The following DTHD1 variants were observed in gnomAD, a reference collection of about 807,000 sequenced individuals.
The protein encoded by DTHD1 is death domain containing 1, also known as death domain-containing protein 1.
In DTHD1, 59 loss-of-function variants were observed where a neutral mutation model predicts 74.8. The ratio of observed to expected loss-of-function variants is 0.79; its 90% CI spans 0.64 to 0.98. The LOEUF (loss-of-function observed/expected upper bound fraction) is 0.98, where lower values mean the gene tolerates loss of function less well. Among genes scored for constraint, DTHD1 ranks in the 50% least tolerant of loss-of-function variants. DTHD1 has a pLI of 0.00. For synonymous variants in DTHD1, 365 were observed against 371.1 expected (o/e 0.98, Z 0.19); for missense variants, 1,051 against 1,065.4 (o/e 0.99, Z 0.19).
Position 36,316,224 on chromosome 4 carries a change from C to T in DTHD1, c.2096-18C>T, listed in dbSNP as rs1560805911. The T allele has an allele frequency of 1.9e-6, 3 of 1,546,442 alleles. No individual in the cohort carries two copies. Among genetic ancestry groups the T allele is most frequent in the Admixed American group, 4.0e-5 (2 of 49,860 alleles). On this transcript the variant is annotated intron_variant, in intron 7 of 9. Coordinates refer to ENST00000639862, the MANE Select transcript of DTHD1 (RefSeq NM_001170700.3). The stretch of plus-strand genomic sequence containing the variant: ...TGAGATAACTTAATGGTAATAAATA[C>T]ATTTTACTTCTATTTAGGCAACGGG...
intron 5 of DTHD1, among the ~76,000 whole-genome samples, chr4:36,301,590 C>A (rs1036929117): frequency 6.6e-6 from 1 of 152,178 alleles, no homozygotes; most frequent in African/African-American, 2.4e-5. Flanking sequence ...GCCCCATTAA[C>A]AATCAAGGAT....
At chr4:36,326,685 T>C (rs1474608099) in intron 8 of DTHD1, among the ~76,000 whole-genome samples, 1 of 152,224 alleles carries the variant, frequency 6.6e-6, no homozygotes, top group Non-Finnish European at 1.5e-5. Flanking sequence ...GAAAGCATGC[T>C]GGGGAAATTG....
At chr4:36,333,922 G>T (rs985475886) in intron 8 of DTHD1, 1 of 152,092 alleles carries the variant, frequency 6.6e-6, no homozygotes, top group Non-Finnish European at 1.5e-5. Flanking sequence ...GAGATGATGG[G>T]CCCCAGAGCT....
intron 8 of DTHD1, among the ~76,000 whole-genome samples, chr4:36,318,607 CTTTTCTTTTTTTTTTTTT>C (rs1757866528): frequency 8.9e-6 from 1 of 112,260 alleles, no homozygotes; most frequent in Non-Finnish European, 1.8e-5. Flanking sequence ...TTTTCTTTTT[CTTTTCTTTTTTTTTTTTT>C]TTTTTTTGAG....
intron 8 of DTHD1, among the ~76,000 whole-genome samples, chr4:36,325,471 G>A (rs13107566): frequency 0.28 from 41,958 of 152,120 alleles, 6,197 homozygotes; most frequent in Non-Finnish European, 0.33. Flanking sequence ...CAGCCTATAA[G>A]GATAAACTAG....
rs943844194 is a variant in DTHD1 at position 36,321,641 on chromosome 4, C to A, written c.2340+5155C>A. 4.6e-5 allele frequency among the ~76,000 whole-genome samples: 7 copies of A among 152,148 alleles called. 1 individual carries two copies. Among genetic ancestry groups the A allele is most frequent in the Non-Finnish European group, 1.0e-4 (7 of 68,024 alleles). ...GAAATAAAGAGCACAATAAATTTAACTTGCCTGAATCATCCTGAAACCATC... is the reference window on the plus strand; with the variant it reads ...GAAATAAAGAGCACAATAAATTTAAATTGCCTGAATCATCCTGAAACCATC... On this transcript the variant is annotated intron_variant, in intron 8 of 9. Transcript: ENST00000639862.
intron 8 of DTHD1, among the ~76,000 whole-genome samples, chr4:36,320,251 AT>A (rs1757970870): frequency 6.6e-6 from 1 of 152,076 alleles, no homozygotes; most frequent in South Asian, 2.1e-4. Flanking sequence ...CCAAGAACGA[AT>A]TTTCTCTCCC....
chr4:36,325,756 T>C (rs1384938153), intron 8 of DTHD1, among the ~76,000 whole-genome samples: 1 of 152,200 alleles, frequency 6.6e-6, no homozygotes, highest in African/African-American at 2.4e-5. Flanking sequence ...TGTGATATAA[T>C]ACAGTGTTTG....
At chr4:36,315,994 G>A (rs1368397540) in intron 7 of DTHD1, among the ~76,000 whole-genome samples, 1 of 152,212 alleles carries the variant, frequency 6.6e-6, no homozygotes, top group Admixed American at 6.5e-5. Flanking sequence ...GGAGTGCAGT[G>A]GCGTGATCTC....
At chr4:36,323,041 T>C (rs1672866331) in intron 8 of DTHD1, among the ~76,000 whole-genome samples, 1 of 152,172 alleles carries the variant, frequency 6.6e-6, no homozygotes, top group Admixed American at 6.5e-5. Flanking sequence ...AGGTTTTGTT[T>C]TGAAGGAAAG....
intron 8 of DTHD1, among the ~76,000 whole-genome samples, chr4:36,333,106 T>C (rs1015870987): frequency 6.6e-6 from 1 of 152,268 alleles, no homozygotes; most frequent in South Asian, 2.1e-4. Context: ...ATTTTATAAA[T>C]TTAGCATAAA....
intron 5 of DTHD1, among the ~76,000 whole-genome samples, chr4:36,298,346 A>G (rs1416917942): frequency 6.6e-6 from 1 of 152,216 alleles, no homozygotes; most frequent in Non-Finnish European, 1.5e-5. Context: ...AAATAAATTA[A>G]TGAGCAAACT....
At position 36,347,205 on chromosome 4, in the gene DTHD1, C is replaced by A. The variant is rs1035437925; in HGVS notation, c.*3381C>A. ...GACTGTATAATATCCTATTTCATAA[C>A]CATAGCACAATTAATTTTAGTATAA... is the stretch of plus-strand genomic sequence containing the variant. On this transcript the variant is annotated 3_prime_UTR_variant, in exon 10 of 10. Coordinates refer to ENST00000639862, the MANE Select transcript of DTHD1 (RefSeq NM_001170700.3). 3.9e-5 allele frequency among the ~76,000 whole-genome samples: 6 copies of A among 152,002 alleles called. No individual in the cohort carries two copies. The highest frequency in any genetic ancestry group is 5.9e-5 in the Non-Finnish European group (4 of 68,006).
chr4:36,294,475 T>G (rs189047977), intron 4 of DTHD1, among the ~76,000 whole-genome samples: 17 of 152,198 alleles, frequency 1.1e-4, no homozygotes, highest in Admixed American at 2.0e-4. Context: ...TCTAACAATT[T>G]CTAATTAGAA....
At position 36,302,164 on chromosome 4, in the gene DTHD1, G is replaced by A. The variant is rs75504473; in HGVS notation, c.1644-4027G>A. Among the ~76,000 whole-genome samples the A allele has an allele frequency of 3.4e-4, 52 of 152,274 alleles. 1 individual carries two copies. In the East Asian group the frequency reaches 7.9e-3, roughly 23 times the overall value. The stretch of plus-strand genomic sequence containing the variant: ...TTCCTCACCTTAAAAACTATTGCCC[G>A]AATAGTGGCACATGTAGGTAAATAC... On this transcript the variant is annotated intron_variant, in intron 5 of 9. Transcript: ENST00000639862.
rs1756206132 is a variant in DTHD1, at chr4:36,293,518, C to A, written c.1219-8C>A. On this transcript the variant is annotated splice_polypyrimidine_tract_variant and splice_region_variant and intron_variant, in intron 3 of 9. Coordinates refer to ENST00000639862, the MANE Select transcript of DTHD1 (RefSeq NM_001170700.3). ...ATAGCTTATTTTAATGTTCTTTATT[C>A]TATACAGGGGACCTGTGCTTCAGTA... The A allele has an allele frequency of 6.6e-7, 1 of 1,514,184 alleles. No individual in the cohort carries two copies. Among genetic ancestry groups the A allele is most frequent in the Non-Finnish European group, 8.9e-7 (1 of 1,124,982 alleles). 93.8% of individuals were successfully genotyped at this position (1,514,184 alleles called of 1,614,324 possible).
At chr4:36,291,444 A>G (rs925245807) in intron 3 of DTHD1, among the ~76,000 whole-genome samples, 2 of 152,230 alleles carry the variant, frequency 1.3e-5, no homozygotes, top group Non-Finnish European at 2.9e-5. Context: ...ATAAATTATC[A>G]TTTTCATGTC....
At chr4:36,343,055 C>T (rs146251007) in intron 9 of DTHD1, among the ~76,000 whole-genome samples, 1 of 152,096 alleles carries the variant, frequency 6.6e-6, no homozygotes, top group Non-Finnish European at 1.5e-5. Flanking sequence ...CACACGACTG[C>T]ACTCCAGCCT....
At chr4:36,310,395 C>G (rs1757326268) in intron 7 of DTHD1, among the ~76,000 whole-genome samples, 1 of 152,288 alleles carries the variant, frequency 6.6e-6, no homozygotes, top group African/African-American at 2.4e-5. Context: ...GTTGCCATCA[C>G]AACAATTTCT....
Sources: allele counts gnomAD v4.1 joint callset (sites outside exome capture counted in the v4.1 genomes callset), GRCh38; gene constraint gnomAD v4.1.1; transcripts MANE v1.5; gene names NCBI Gene and HGNC (gene_info 2026-07-23, HGNC 2026-07-21).